The following CCSER1 variants were observed in gnomAD, a reference collection of about 807,000 sequenced individuals.
The protein encoded by CCSER1 is serine-rich coiled-coil domain-containing protein 1.
In CCSER1, 41 loss-of-function variants were observed where a neutral mutation model predicts 82.0. The ratio of observed to expected loss-of-function variants is 0.50; its 90% CI spans 0.39 to 0.65. CCSER1 has a LOEUF of 0.65. Among genes scored for constraint, CCSER1 ranks in the 30% least tolerant of loss-of-function variants. The pLI is 0.00. For missense variants in CCSER1, 1,119 were observed against 1,064.2 expected (o/e 1.05, Z -0.72); for synonymous variants, 414 against 383.9 (o/e 1.08, Z -0.92).
chr4:90,759,280 C>T (rs899121547), intron 7 of CCSER1, among the ~76,000 whole-genome samples: 6 of 152,106 alleles, frequency 3.9e-5, no homozygotes, highest in African/African-American at 1.2e-4. Flanking sequence ...GCAAGAATGA[C>T]GTTTTATTTA....
At chr4:90,791,829 A>AAC (rs1161733167) in intron 7 of CCSER1, among the ~76,000 whole-genome samples, 10 of 146,330 alleles carry the variant, frequency 6.8e-5, no homozygotes, top group Admixed American at 4.8e-4. Context: ...CAAAAAAAAA[A>AAC]AAAACACACA....
intron 10 of CCSER1, among the ~76,000 whole-genome samples, chr4:91,411,056 AATTTT>A (rs1218311484): frequency 6.6e-6 from 1 of 151,954 alleles, no homozygotes; most frequent in East Asian, 1.9e-4. Flanking sequence ...ATATTTATAT[AATTTT>A]ATGTAATTTT....
chr4:91,035,600 T>A (rs1741365831), intron 9 of CCSER1, among the ~76,000 whole-genome samples: 3 of 152,238 alleles, frequency 2.0e-5, no homozygotes, highest in South Asian at 4.1e-4. Flanking sequence ...TTTCATATTT[T>A]AAAAAATTTT....
intron 3 of CCSER1, among the ~76,000 whole-genome samples, chr4:90,341,661 G>A (rs1163252122): frequency 9.2e-6 from 1 of 108,866 alleles, no homozygotes; most frequent in Non-Finnish European, 1.9e-5. Flanking sequence ...ATGGATAAAA[G>A]CTTTAACTTG....
At chr4:91,385,872 A>T (rs1005625849) in intron 10 of CCSER1, among the ~76,000 whole-genome samples, 2 of 151,960 alleles carry the variant, frequency 1.3e-5, no homozygotes, top group African/African-American at 4.8e-5. Flanking sequence ...AATTAATGTT[A>T]TCAGTAAGAA....
intron 9 of CCSER1, chr4:91,017,288 G>A (rs1739516789): frequency 6.6e-6 from 1 of 152,182 alleles, no homozygotes; most frequent in Non-Finnish European, 1.5e-5. Context: ...ATGGGAAAGA[G>A]AACAGAATCG....
chr4:90,683,441 T>G (rs1734250441), intron 6 of CCSER1, among the ~76,000 whole-genome samples: 1 of 152,058 alleles, frequency 6.6e-6, no homozygotes, highest in Non-Finnish European at 1.5e-5. Context: ...ATAATCTAGT[T>G]AAATACATAG....
At chr4:90,956,978 T>C (rs999929024) in intron 9 of CCSER1, among the ~76,000 whole-genome samples, 1 of 143,446 alleles carries the variant, frequency 7.0e-6, no homozygotes, top group African/African-American at 2.6e-5. Flanking sequence ...AGGATCTCAC[T>C]ATGTTGCCCA....
At chr4:91,015,539 AT>A (rs1739353938) in intron 9 of CCSER1, 1 of 151,838 alleles carries the variant, frequency 6.6e-6, no homozygotes, top group Non-Finnish European at 1.5e-5. Context: ...TGTAAGTTAT[AT>A]TTTTATTTGT....
chr4:90,179,879 G>A (rs958325815), intron 1 of CCSER1, among the ~76,000 whole-genome samples: 2 of 151,932 alleles, frequency 1.3e-5, no homozygotes, highest in African/African-American at 2.4e-5. Context: ...GTTTCTATGC[G>A]GATTTGGAAC....
chr4:90,886,782 C>T (rs761616777), intron 8 of CCSER1, among the ~76,000 whole-genome samples: 1 of 152,008 alleles, frequency 6.6e-6, no homozygotes, highest in Non-Finnish European at 1.5e-5. Context: ...ATGAAGCTAC[C>T]ATTATAAAGA....
rs753828396 is a variant in CCSER1 at position 90,761,541 on chromosome 4, G to A, written c.2010+37550G>A. Among the ~76,000 whole-genome samples the A allele has an allele frequency of 3.9e-5, 6 of 152,064 alleles. No homozygotes were observed. The East Asian group carries it at 5.8e-4, about 15-fold the overall frequency. The stretch of plus-strand genomic sequence containing the variant: ...TTATAGGATGGATATGTATAAATTC[G>A]ATTATTTATTCAACTATCCATATGC... On this transcript the variant is annotated intron_variant, in intron 7 of 10. Transcript: ENST00000509176.
At chr4:91,531,019 A>G (rs1264608293) in intron 10 of CCSER1, among the ~76,000 whole-genome samples, 2 of 152,108 alleles carry the variant, frequency 1.3e-5, no homozygotes, top group Non-Finnish European at 2.9e-5. Flanking sequence ...TCCTTTATTC[A>G]ATAAAAATGT....
chr4:90,856,958 A>G (rs952745622), intron 8 of CCSER1, among the ~76,000 whole-genome samples: 18 of 150,774 alleles, frequency 1.2e-4, no homozygotes, highest in South Asian at 2.1e-4. Context: ...TAAGACTACA[A>G]TGTTTTGGTC....
chr4:90,511,326 G>A (rs1771469044), intron 5 of CCSER1, among the ~76,000 whole-genome samples: 1 of 152,188 alleles, frequency 6.6e-6, no homozygotes, highest in Non-Finnish European at 1.5e-5. Flanking sequence ...GCTGAGGCAG[G>A]AGAATTGTGT....
chr4:90,177,842 G>A (rs1732988997), intron 1 of CCSER1, among the ~76,000 whole-genome samples: 2 of 151,934 alleles, frequency 1.3e-5, no homozygotes, highest in Non-Finnish European at 2.9e-5. Context: ...GGTTGTTTTG[G>A]GCCTGCTTTA....
intron 5 of CCSER1, among the ~76,000 whole-genome samples, chr4:90,545,324 A>C (rs1776624887): frequency 6.6e-6 from 1 of 152,148 alleles, no homozygotes; most frequent in Non-Finnish European, 1.5e-5. Flanking sequence ...GCAAGCAAGC[A>C]ATTTCATGAG....
chr4:90,932,970 GAAAGAA>G lies in CCSER1; in HGVS notation c.2172+9525_2172+9530del, dbSNP rs1730186354. ...AGAAAGAAAGAAAGAAAGAAAGAAAGAAAGAAAGAAAGAGAAAGAAAGAAAGAAAGA... is the reference window on the plus strand; with the variant it reads ...AGAAAGAAAGAAAGAAAGAAAGAAAGAGAAAGAGAAAGAAAGAAAGAAAGA... On this transcript the variant is annotated intron_variant, in intron 9 of 10. Coordinates refer to ENST00000509176, the MANE Select transcript of CCSER1 (RefSeq NM_001145065.2). 7.2e-4 allele frequency among the ~76,000 whole-genome samples: 23 copies of G among 31,976 alleles called. 4 individuals carry two copies. Among genetic ancestry groups the G allele is most frequent in the South Asian group, 1.6e-3 (2 of 1,240 alleles). The allele number at this position is 31,976 out of a possible 152,430, so 21.0% of individuals were successfully genotyped here. A position where few individuals can be genotyped will look rare whatever the true frequency, so the allele number is the denominator to read the frequency against.
intron 10 of CCSER1, among the ~76,000 whole-genome samples, chr4:91,123,699 A>G (rs925999349): frequency 3.3e-5 from 5 of 151,812 alleles, no homozygotes; most frequent in Non-Finnish European, 5.9e-5. Context: ...TGTGATACCC[A>G]TAATTCTAAT....
Sources: gnomAD v4.1 joint callset for allele counts (sites outside exome capture counted in the v4.1 genomes callset) on GRCh38, gnomAD v4.1.1 for gene constraint, MANE v1.5 for transcripts, NCBI Gene and HGNC (gene_info 2026-07-23, HGNC 2026-07-21) for gene names.